Variants in THSD1 observed in about 807,000 individuals in gnomAD.
THSD1 encodes the protein thrombospondin type 1 domain containing 1.
A neutral mutation model predicts 46.3 loss-of-function variants in THSD1; 34 were observed. The ratio of observed to expected loss-of-function variants is 0.74; its 90% CI spans 0.56 to 0.98. The LOEUF is 0.98. THSD1 is among the 50% of genes least tolerant of loss of function. THSD1 has a pLI of 0.00. For synonymous variants in THSD1, 407 were observed against 416.5 expected, an observed-to-expected ratio of 0.98 and a Z score of 0.28; for missense variants, 1,023 against 1,058.3, an observed-to-expected ratio of 0.97 and a Z score of 0.46.
intron 3 of THSD1, among the ~76,000 whole-genome samples, chr13:52,392,190 C>CAAAAAAAAAA (rs368671089): frequency 1.9e-4 from 13 of 69,708 alleles, no homozygotes; most frequent in East Asian, 4.1e-4. Flanking sequence ...AGACTCCTCT[C>CAAAAAAAAAA]AAAAAAAAAA....
Position 52,402,551 on chromosome 13 carries a change from C to A in THSD1, c.50G>T (p.Cys17Phe), listed in dbSNP as rs1957872667. The change falls in exon 2 of 5, where the codon TGT (cysteine) becomes TTT (phenylalanine). Residue 17 changes from cysteine to phenylalanine, a missense_variant. Physicochemically the swap from Cys to Phe is radical, Grantham distance 205. Coordinates refer to ENST00000258613, the MANE Select transcript of THSD1 (RefSeq NM_018676.4). ...ATACTCACAATACTCACCATAGTCA[C>A]AGAGTACCACCAACAATAGATTTGA... Reference protein sequence around the residue: ...DFSNLLLVVLCDYVLGEAEYL... With the variant: ...DFSNLLLVVLFDYVLGEAEYL... 2 of 1,613,738 alleles carry A rather than the reference C, an allele frequency of 1.2e-6. No homozygotes were observed. The highest frequency in any genetic ancestry group is 2.7e-5 in the African/African-American group (2 of 74,896).
chr13:52,378,547 G>T lies in THSD1; in HGVS notation c.1423C>A (p.Arg475Ser). 6.2e-7 allele frequency: 1 copy of T among 1,614,182 alleles called. No individual in the cohort carries two copies. The highest frequency in any genetic ancestry group is 1.3e-5 in the African/African-American group (1 of 75,054). ...TCTCCCCCATCCGAGAAGCTCCCGC[G>T]CTGCTCGCTCAGCTCGCAGATATTC... is the stretch of plus-strand genomic sequence containing the variant. ...EENICELSEQ[R>S]GSFSDGGDGP... The change falls in exon 5 of 5, where the codon CGC becomes AGC. Residue 475 changes from arginine to serine, a missense_variant. Arg to Ser is a moderately radical substitution (Grantham distance 110). Coordinates refer to ENST00000258613, the MANE Select transcript of THSD1 (RefSeq NM_018676.4).
At chr13:52,403,757 C>A (rs993489533) in intron 1 of THSD1, among the ~76,000 whole-genome samples, 1 of 152,068 alleles carries the variant, frequency 6.6e-6, no homozygotes, top group African/African-American at 2.4e-5. Flanking sequence ...GGATTACAGG[C>A]GTAAGCCACC....
At position 52,378,487 on chromosome 13, in the gene THSD1, G is replaced by T. The variant is rs757530009; in HGVS notation, c.1483C>A (p.Pro495Thr). The T allele has an allele frequency of 1.9e-6, 3 of 1,614,196 alleles. No individual in the cohort carries two copies. The highest frequency in any genetic ancestry group is 1.1e-5 in the South Asian group (1 of 91,090). ...GGCCCGCTCCGCCTGTAGGTCAGAG[G>T]GATGCCTGTGTCCCCTGGACTCCCC... ...PTGSPGDTGI[P>T]LTYRRSGPVP... Residue 495 changes from proline (P) to threonine (T), a missense_variant, in exon 5 of 5, where the codon CCT (proline) becomes ACT (threonine). By Grantham distance (38) the Pro-to-Thr change is conservative (BLOSUM62 -1). Transcript: ENST00000258613.
intron 3 of THSD1, among the ~76,000 whole-genome samples, chr13:52,386,599 G>A (rs894280533): frequency 2.0e-5 from 3 of 152,058 alleles, no homozygotes; most frequent in Non-Finnish European, 2.9e-5. Context: ...GAACCCCTAC[G>A]ACTCACATAC....
At chr13:52,402,024 A>G (rs1957867428) in intron 2 of THSD1, among the ~76,000 whole-genome samples, 1 of 152,204 alleles carries the variant, frequency 6.6e-6, no homozygotes, top group African/African-American at 2.4e-5. Context: ...GGTGTTTTGC[A>G]CTCTTGATAT....
chr13:52,377,825 T>G lies in THSD1; in HGVS notation c.2145A>C (p.Ala715=). The change falls in exon 5 of 5, where the codon GCA becomes GCC. Residue 715 remains alanine, a synonymous_variant. Coordinates refer to ENST00000258613, the MANE Select transcript of THSD1 (RefSeq NM_018676.4). ...FPEKLEHFQE[A]SGTRGPLNPL... is the part of the protein sequence containing the mutation. ...GGTTTAATGGACCACGGGTTCCACTTGCCTCTTGGAAATGCTCCAGTTTTT... is the reference window on the plus strand; with the variant it reads ...GGTTTAATGGACCACGGGTTCCACTGGCCTCTTGGAAATGCTCCAGTTTTT... 1.2e-6 allele frequency: 2 copies of G among 1,614,212 alleles called. No individual in the cohort carries two copies. The highest frequency in any genetic ancestry group is 1.7e-6 in the Non-Finnish European group (2 of 1,180,034).
At chr13:52,392,511 T>G (rs1957781366) in intron 3 of THSD1, among the ~76,000 whole-genome samples, 1 of 152,260 alleles carries the variant, frequency 6.6e-6, no homozygotes, top group Admixed American at 6.5e-5. Flanking sequence ...ATAGTCCTAC[T>G]TCACGAATGA....
intron 1 of THSD1, among the ~76,000 whole-genome samples, chr13:52,405,558 T>G (rs1957900136): frequency 6.6e-6 from 1 of 152,190 alleles, no homozygotes; most frequent in African/African-American, 2.4e-5. Flanking sequence ...TGGGACGCCC[T>G]GGCTCGCCCC....
chr13:52,377,269 T>G lies in THSD1; in HGVS notation c.*142A>C. ...GATAAATAATTTCTTCCTTGTGAAT[T>G]CAAACACATGCATACACACACATCC... On this transcript the variant is annotated 3_prime_UTR_variant, in exon 5 of 5. Transcript: ENST00000258613. 1 of 1,311,460 alleles carries G rather than the reference T, an allele frequency of 7.6e-7. No homozygotes were observed. The highest frequency in any genetic ancestry group is 2.7e-5 in the East Asian group (1 of 36,668). The allele number at this position is 1,311,460 out of a possible 1,614,324, so 81.2% of individuals were successfully genotyped here. A position where few individuals can be genotyped will look rare whatever the true frequency, so the allele number is the denominator to read the frequency against.
At chr13:52,404,137 G>A (rs1221154835) in intron 1 of THSD1, among the ~76,000 whole-genome samples, 1 of 151,138 alleles carries the variant, frequency 6.6e-6, no homozygotes, top group African/African-American at 2.4e-5. Context: ...TAGTAGAAAC[G>A]GTGTTTCACC....
intron 3 of THSD1, among the ~76,000 whole-genome samples, chr13:52,389,520 G>A (rs1354003094): frequency 4.0e-5 from 6 of 151,830 alleles, no homozygotes; most frequent in South Asian, 2.1e-4. Context: ...CCCACTTTAC[G>A]TATAGACATA....
chr13:52,396,639 C>T (rs1023869896), intron 3 of THSD1, among the ~76,000 whole-genome samples: 6 of 152,132 alleles, frequency 3.9e-5, no homozygotes, highest in African/African-American at 1.4e-4. Flanking sequence ...ATGCAAAGAG[C>T]AGCATAGGGA....
intron 3 of THSD1, among the ~76,000 whole-genome samples, chr13:52,388,126 A>G (rs1200137362): frequency 3.3e-5 from 5 of 151,962 alleles, no homozygotes; most frequent in Non-Finnish European, 7.4e-5. Context: ...TATCCAAGCC[A>G]GAAGATAAGA....
At position 52,402,561 on chromosome 13, in the gene THSD1, C is replaced by T; in HGVS notation, c.40G>A (p.Val14Met). Residue 14 changes from valine (V) to methionine (M), a missense_variant, in exon 2 of 5, where the codon GTG becomes ATG. By Grantham distance (21) the Val-to-Met change is conservative. Around this residue, in one of 3 missense-constraint regions of THSD1, gnomAD observed 429 missense variants for 518.3 expected, o/e 0.83. Coordinates refer to ENST00000258613, the MANE Select transcript of THSD1 (RefSeq NM_018676.4). ...TACTCACCATAGTCACAGAGTACCACCAACAATAGATTTGAAAAGTCTTTC... is the reference window on the plus strand; with the variant it reads ...TACTCACCATAGTCACAGAGTACCATCAACAATAGATTTGAAAAGTCTTTC... ...MLKDFSNLLL[V>M]VLCDYVLGEA... The T allele has an allele frequency of 3.1e-6, 5 of 1,613,952 alleles. No homozygotes were observed. The highest frequency in any genetic ancestry group is 4.2e-6 in the Non-Finnish European group (5 of 1,179,906).
intron 1 of THSD1, chr13:52,402,929 CAA>C: frequency 1.0e-6 from 1 of 985,368 alleles, no homozygotes; most frequent in Non-Finnish European, 1.2e-6. Context: ...TGCACAACAC[CAA>C]AGTCTCTTCT....
At chr13:52,383,661 A>G (rs897674613) in intron 4 of THSD1, among the ~76,000 whole-genome samples, 3 of 152,186 alleles carry the variant, frequency 2.0e-5, no homozygotes, top group Admixed American at 2.0e-4. Flanking sequence ...CTGTATCTCT[A>G]GTTTTTCCTC....
At chr13:52,378,832 G>C (rs1957667279) in intron 4 of THSD1, 43 bp from the exon 5 acceptor site, 363 of 1,403,824 alleles carry the variant, frequency 2.6e-4, no homozygotes, top group Non-Finnish European at 3.1e-4. Context: ...AAAAAACACA[G>C]AGGAACAGAT....
chr13:52,388,228 A>AAATAAAG (rs1202577290), intron 3 of THSD1, among the ~76,000 whole-genome samples: 3 of 151,704 alleles, frequency 2.0e-5, no homozygotes, highest in Admixed American at 2.0e-4. Context: ...AATAAAGGAG[A>AAATAAAG]AATAAAGACT....
Sources: allele counts gnomAD v4.1 joint callset (sites outside exome capture counted in the v4.1 genomes callset), GRCh38; gene constraint gnomAD v4.1.1; regional missense constraint gnomAD v4.1.1; transcripts MANE v1.5; gene names NCBI Gene and HGNC (gene_info 2026-07-23, HGNC 2026-07-21).